Variants in NLRP11 observed in about 807,000 individuals in gnomAD.
NLRP11 encodes the protein NACHT, LRR and PYD domains-containing protein 11.
NLRP11 carries 53 observed loss-of-function variants against 79.3 expected under a neutral mutation model. The ratio of observed to expected loss-of-function variants is 0.67; its 90% CI spans 0.54 to 0.84. The LOEUF (loss-of-function observed/expected upper bound fraction) is 0.84. Ranked by LOEUF, NLRP11 falls within the 40% of genes least tolerant of loss-of-function variation. The probability of loss-of-function intolerance (pLI) is 0.00; values close to 1 mark genes in which losing one functional copy is unlikely to be tolerated. For missense variants in NLRP11, 1,264 were observed against 1,255.0 expected, an observed-to-expected ratio of 1.01 and a Z score of -0.11; for synonymous variants, 518 against 462.6, an observed-to-expected ratio of 1.12 and a Z score of -1.54.
At chr19:55,801,531 C>A (rs781076614) in intron 5 of NLRP11, 41 bp downstream of exon 5, 9 of 1,567,250 alleles carry the variant, frequency 5.7e-6, no homozygotes, top group African/African-American at 1.3e-5. Context: ...CCCAGGCATT[C>A]CCCTCACATG....
chr19:55,795,347 C>T (rs184657745), intron 6 of NLRP11, among the ~76,000 whole-genome samples: 4 of 151,816 alleles, frequency 2.6e-5, no homozygotes, highest in East Asian at 1.9e-4. Flanking sequence ...CCTTTGCTTT[C>T]GTCTTTGTGT....
exon 4 of NLRP11, chr19:55,807,901 A>G (rs763467953): frequency 6.2e-7 from 1 of 1,613,050 alleles, no homozygotes; most frequent in Non-Finnish European, 8.5e-7. Flanking sequence ...TTTAGACAGA[A>G]TCCTTTCTGA....
At position 55,809,384 on chromosome 19, in the gene NLRP11, G is replaced by A. The variant is rs1980350705; in HGVS notation, c.1226C>T (p.Thr409Ile). ...GAGGTCTTCACCACTGAAATTCAGGGTGCTCAGAAACAGTCCTCCTGCAGC... is the reference window on the plus strand; with the variant it reads ...GAGGTCTTCACCACTGAAATTCAGGATGCTCAGAAACAGTCCTCCTGCAGC... The change falls in exon 3 of 10, where the codon ACC (threonine) becomes ATC (isoleucine). Residue 409 changes from threonine (T) to isoleucine (I), a missense_variant. Physicochemically the swap from Thr to Ile is moderately conservative, Grantham distance 89. Transcript: ENST00000589093. This position sits in a 1 kb window ranked among gnomAD's most constrained non-coding sequence, Gnocchi z 4.5. 6.2e-7 allele frequency: 1 copy of A among 1,614,044 alleles called. No individual in the cohort carries two copies. The highest frequency in any genetic ancestry group is 8.5e-7 in the Non-Finnish European group (1 of 1,180,040).
chr19:55,821,704 ATTG>A (rs1981756799), intron 1 of NLRP11, among the ~76,000 whole-genome samples: 3 of 142,684 alleles, frequency 2.1e-5, no homozygotes, highest in Admixed American at 6.9e-5. Context: ...ACCCATTAAC[ATTG>A]TTAGTGATGG....
At chr19:55,819,401 A>G (rs1439085782) in intron 1 of NLRP11, among the ~76,000 whole-genome samples, 1 of 152,162 alleles carries the variant, frequency 6.6e-6, no homozygotes, top group Non-Finnish European at 1.5e-5. Flanking sequence ...AAACCCCGTG[A>G]GCCTCCCACA....
At chr19:55,808,319 C>T (rs1270771395) in intron 3 of NLRP11, among the ~76,000 whole-genome samples, 1 of 152,136 alleles carries the variant, frequency 6.6e-6, no homozygotes, top group Non-Finnish European at 1.5e-5. Flanking sequence ...ATGAATACTC[C>T]TATAATGTAA....
At chr19:55,805,863 A>G (rs554285836) in intron 4 of NLRP11, among the ~76,000 whole-genome samples, 66 of 152,080 alleles carry the variant, frequency 4.3e-4, no homozygotes, top group Non-Finnish European at 8.4e-4. Flanking sequence ...TTCTCCTTTC[A>G]TCATTTTCAA....
chr19:55,809,843 G>A lies in NLRP11; in HGVS notation c.767C>T (p.Pro256Leu). The A allele has an allele frequency of 6.2e-7, 1 of 1,614,152 alleles. No homozygotes were observed. The highest frequency in any genetic ancestry group is 8.5e-7 in the Non-Finnish European group (1 of 1,180,002). ...CTTCAGCAAACTGACCAGGAGAACTGGAATGGGAACTTTCTGGGTGCTGTT... is the reference window on the plus strand; with the variant it reads ...CTTCAGCAAACTGACCAGGAGAACTAGAATGGGAACTTTCTGGGTGCTGTT... Residue 256 changes from proline (P) to leucine (L), a missense_variant, in exon 3 of 10, where the codon CCA becomes CTA. Coordinates refer to ENST00000589093, the Ensembl canonical transcript of NLRP11. This position sits in a 1 kb window ranked among gnomAD's most constrained non-coding sequence, Gnocchi z 4.5.
intron 9 of NLRP11, among the ~76,000 whole-genome samples, chr19:55,787,494 G>T (rs569585680): frequency 6.6e-6 from 1 of 152,116 alleles, no homozygotes; most frequent in African/African-American, 2.4e-5. Flanking sequence ...GCATCACTAC[G>T]CCCGGCTAAC....
upstream of NLRP11, among the ~76,000 whole-genome samples, chr19:55,834,498 C>T (rs1228128894): frequency 6.6e-6 from 1 of 152,160 alleles, no homozygotes; most frequent in African/African-American, 2.4e-5. Flanking sequence ...CAGGAGTAGG[C>T]AGTAAGGTGC....
At chr19:55,792,969 G>A (rs370598423) in intron 6 of NLRP11, among the ~76,000 whole-genome samples, 59 of 152,240 alleles carry the variant, frequency 3.9e-4, no homozygotes, top group East Asian at 1.2e-3. Flanking sequence ...GGTTTAGCTC[G>A]TTGCCAATAT....
intron 2 of NLRP11, 32 bp from the exon 3 acceptor site, chr19:55,810,370 G>T: frequency 1.3e-6 from 2 of 1,543,830 alleles, no homozygotes; most frequent in African/African-American, 1.4e-5. Flanking sequence ...AGAAAATACA[G>T]AACAAAGATG....
exon 3 of NLRP11, chr19:55,808,831 T>G: frequency 6.2e-7 from 1 of 1,613,848 alleles, no homozygotes; most frequent in Non-Finnish European, 8.5e-7. Flanking sequence ...TCAACTTAAG[T>G]GTCCTCAGGT....
intron 4 of NLRP11, among the ~76,000 whole-genome samples, chr19:55,807,285 A>G (rs1164331675): frequency 6.6e-6 from 1 of 152,174 alleles, no homozygotes; most frequent in Non-Finnish European, 1.5e-5. Context: ...TAGAGCTATT[A>G]TAAACTCAGA....
At chr19:55,822,766 C>T (rs1033647303) in intron 1 of NLRP11, among the ~76,000 whole-genome samples, 11 of 152,074 alleles carry the variant, frequency 7.2e-5, no homozygotes, top group Admixed American at 1.3e-4. Context: ...GGTCCTATGC[C>T]CACGGAGTCT....
intron 1 of NLRP11, among the ~76,000 whole-genome samples, chr19:55,823,007 G>A (rs1600202825): frequency 6.6e-6 from 1 of 151,134 alleles, no homozygotes; most frequent in African/African-American, 2.4e-5. Context: ...AGACTTAAAT[G>A]TCCCTGTCTG....
chr19:55,796,781 G>A (rs1353685849), intron 5 of NLRP11, among the ~76,000 whole-genome samples: 1 of 151,704 alleles, frequency 6.6e-6, no homozygotes, highest in Non-Finnish European at 1.5e-5. Context: ...CTGCCTCCCG[G>A]GTTTTTAAGC....
chr19:55,812,246 CAGAT>C lies in NLRP11; in HGVS notation c.272-1912_272-1909del, dbSNP rs1281862630. 4.6e-5 allele frequency among the ~76,000 whole-genome samples: 7 copies of C among 152,054 alleles called. 1 individual carries two copies. Among genetic ancestry groups the C allele is most frequent in the Admixed American group, 3.9e-4 (6 of 15,266 alleles). On this transcript the variant is annotated intron_variant, in intron 2 of 9. Transcript: ENST00000589093. ...TATTAGGTATATAGAGTATAAGAAT[CAGAT>C]GGATGCTCTGTAACTTAAAATATAC...
In NLRP11 at chr19:55,809,594, G is replaced by GCGACTCGGC; in HGVS notation, c.1007_1015dup (p.Val338_Ala339insGlyArgVal). The GCGACTCGGC allele has an allele frequency of 6.2e-7, 1 of 1,614,220 alleles. No homozygotes were observed. Among genetic ancestry groups the GCGACTCGGC allele is most frequent in the Non-Finnish European group, 8.5e-7 (1 of 1,180,044 alleles). On this transcript the variant is annotated inframe_insertion, in exon 3 of 10. Transcript: ENST00000589093. This position sits in a 1 kb window ranked among gnomAD's most constrained non-coding sequence, Gnocchi z 4.5. ...AGTACACGTGATCCAGCATAAGATG[G>GCGACTCGGC]CGACTCGGCACAGACCCACGAGTAT...
Sources: allele counts gnomAD v4.1 joint callset (sites outside exome capture counted in the v4.1 genomes callset), GRCh38; gene constraint gnomAD v4.1.1; non-coding constraint Gnocchi (gnomAD v3.1); transcripts MANE v1.5; gene names NCBI Gene and HGNC (gene_info 2026-07-23, HGNC 2026-07-21).